C16orf74: variants seen among roughly 807,000 people sequenced by gnomAD.
The protein encoded by C16orf74 is uncharacterized protein C16orf74.
In C16orf74, 10 loss-of-function variants were observed where a neutral mutation model predicts 6.5. The observed-to-expected ratio is 1.54, with a 90% CI of 0.95 to 2.61. C16orf74 has a LOEUF of 2.61. Ranked by LOEUF, C16orf74 falls within the 30% of genes most tolerant of loss-of-function variation. C16orf74 has a pLI of 0.00. For missense variants in C16orf74, 141 were observed against 105.9 expected (o/e 1.33, Z -1.45); for synonymous variants, 60 against 42.5 (o/e 1.41, Z -1.60).
intron 2 of C16orf74, among the ~76,000 whole-genome samples, chr16:85,720,947 C>T (rs2054076387): frequency 1.3e-5 from 2 of 151,876 alleles, no homozygotes; most frequent in Admixed American, 1.3e-4. Context: ...AAGAATTAGC[C>T]AGCCGTGGTG....
chr16:85,743,769 T>C (rs1262617928), intron 1 of C16orf74: 2 of 151,682 alleles, frequency 1.3e-5, no homozygotes, highest in Non-Finnish European at 2.9e-5. Flanking sequence ...AAATACAAAA[T>C]TGGGCTGGGC....
At chr16:85,709,504 A>G (rs1055932964) in intron 3 of C16orf74, among the ~76,000 whole-genome samples, 13 of 65,554 alleles carry the variant, frequency 2.0e-4, no homozygotes, top group African/African-American at 2.6e-4. Context: ...TGTTATTATT[A>G]TTATTATTAT....
intron 2 of C16orf74, among the ~76,000 whole-genome samples, chr16:85,731,257 T>G (rs2054184364): frequency 6.6e-6 from 1 of 152,194 alleles, no homozygotes; most frequent in South Asian, 2.1e-4. Context: ...TGGGGCTCAG[T>G]GGAAAACGAA....
intron 1 of C16orf74, among the ~76,000 whole-genome samples, chr16:85,750,372 G>C (rs1258181791): frequency 2.0e-5 from 3 of 151,686 alleles, no homozygotes; most frequent in African/African-American, 7.3e-5. Context: ...AGTTCCGCTC[G>C]AGCGCAGCCA....
intron 2 of C16orf74, among the ~76,000 whole-genome samples, chr16:85,730,566 C>A (rs566956151): frequency 4.0e-4 from 51 of 127,452 alleles, no homozygotes; most frequent in Non-Finnish European, 7.3e-4. Flanking sequence ...CATCAGCCAA[C>A]TGAACCCCCA....
At chr16:85,723,250 A>T (rs1420743677) in intron 2 of C16orf74, among the ~76,000 whole-genome samples, 2 of 125,154 alleles carry the variant, frequency 1.6e-5, no homozygotes, top group Non-Finnish European at 3.2e-5. Flanking sequence ...ACAGAGCAAG[A>T]CTCCATCTCA....
intron 2 of C16orf74, among the ~76,000 whole-genome samples, chr16:85,714,820 C>T (rs1416558124): frequency 1.3e-5 from 2 of 151,866 alleles, no homozygotes; most frequent in African/African-American, 4.8e-5. Context: ...ACAGTCCCAT[C>T]GAAGCAGGTC....
intron 2 of C16orf74, among the ~76,000 whole-genome samples, chr16:85,712,561 T>A (rs1477667399): frequency 6.6e-6 from 1 of 152,130 alleles, no homozygotes; most frequent in Non-Finnish European, 1.5e-5. Context: ...TCTGTTTGAA[T>A]CCACAAAAGC....
intron 1 of C16orf74, among the ~76,000 whole-genome samples, chr16:85,737,279 C>T (rs547979341): frequency 2.0e-4 from 31 of 152,288 alleles, no homozygotes; most frequent in African/African-American, 6.7e-4. Flanking sequence ...GCACAGGCTT[C>T]CCGGTAGCTG....
At chr16:85,729,854 G>C (rs1348155920) in intron 2 of C16orf74, among the ~76,000 whole-genome samples, 1 of 152,182 alleles carries the variant, frequency 6.6e-6, no homozygotes, top group Admixed American at 6.5e-5. Flanking sequence ...GCGCTGAGGA[G>C]GGAGGGCGGC....
At chr16:85,746,464 G>T (rs1037752046) in intron 1 of C16orf74, among the ~76,000 whole-genome samples, 1 of 152,200 alleles carries the variant, frequency 6.6e-6, no homozygotes, top group African/African-American at 2.4e-5. Flanking sequence ...ACGTCTGGCT[G>T]TCCCAGATGG....
chr16:85,720,575 C>T (rs1377743869), intron 2 of C16orf74, among the ~76,000 whole-genome samples: 1 of 152,020 alleles, frequency 6.6e-6, no homozygotes, highest in East Asian at 1.9e-4. Flanking sequence ...CTGTTCAAGA[C>T]AGGCCTGGAC....
chr16:85,744,345 G>C (rs1471194889), intron 1 of C16orf74: 3 of 151,966 alleles, frequency 2.0e-5, no homozygotes, highest in African/African-American at 7.3e-5. Context: ...TATGGGAGCA[G>C]TTGGGCCCAA....
intron 2 of C16orf74, among the ~76,000 whole-genome samples, chr16:85,718,329 G>C (rs1023419635): frequency 6.6e-6 from 1 of 152,194 alleles, no homozygotes; most frequent in Non-Finnish European, 1.5e-5. Context: ...GCCTCCCAAA[G>C]TCCTGGGGTT....
intron 1 of C16orf74, among the ~76,000 whole-genome samples, chr16:85,744,990 A>C (rs2054356604): frequency 1.3e-5 from 2 of 150,932 alleles, no homozygotes; most frequent in Admixed American, 1.3e-4. Flanking sequence ...AAAAATACAA[A>C]ATTAGCCAGG....
chr16:85,744,166 G>C (rs1177521333), intron 1 of C16orf74: 2 of 145,068 alleles, frequency 1.4e-5, no homozygotes, highest in African/African-American at 5.1e-5. Context: ...CGGAGGTAGC[G>C]GTGAGCCGAG....
At chr16:85,736,510 G>C (rs1414224049) in intron 1 of C16orf74, among the ~76,000 whole-genome samples, 1 of 152,200 alleles carries the variant, frequency 6.6e-6, no homozygotes, top group Non-Finnish European at 1.5e-5. Flanking sequence ...GGAAGTCCAG[G>C]TGGAGCTAGT....
At chr16:85,737,210 T>G (rs951896005) in intron 1 of C16orf74, among the ~76,000 whole-genome samples, 1 of 152,112 alleles carries the variant, frequency 6.6e-6, no homozygotes, top group African/African-American at 2.4e-5. Flanking sequence ...AGGTCGAGGT[T>G]TCCAGCTAGG....
chr16:85,736,325 G>GTA (rs1286518046), intron 1 of C16orf74, among the ~76,000 whole-genome samples: 1 of 152,142 alleles, frequency 6.6e-6, no homozygotes, highest in Non-Finnish European at 1.5e-5. Flanking sequence ...TGGTGGATTG[G>GTA]TAGCATCAGC....
Sources: gnomAD v4.1 joint callset for allele counts (sites outside exome capture counted in the v4.1 genomes callset) on GRCh38, gnomAD v4.1.1 for gene constraint, MANE v1.5 for transcripts, NCBI Gene and HGNC (gene_info 2026-07-23, HGNC 2026-07-21) for gene names.